Variants in DAPK1 observed in about 807,000 individuals in gnomAD.
DAPK1 encodes the protein death-associated protein kinase 1.
In DAPK1, 56 loss-of-function variants were observed where a neutral mutation model predicts 144.9. The observed-to-expected ratio is 0.39, with a 90% CI of 0.31 to 0.48. DAPK1 has a LOEUF of 0.48. Ranked by LOEUF, DAPK1 falls within the 20% of genes least tolerant of loss-of-function variation. The pLI is 0.95. For missense variants in DAPK1, 1,454 were observed against 1,875.4 expected (o/e 0.78, Z 4.15); for synonymous variants, 690 against 749.0 (o/e 0.92, Z 1.29).
chr9:87,671,732 T>C (rs1373677746), intron 19 of DAPK1, among the ~76,000 whole-genome samples: 2 of 152,222 alleles, frequency 1.3e-5, no homozygotes, highest in East Asian at 3.8e-4. Flanking sequence ...CCAGGCTGTC[T>C]CTAACTCCTG....
At chr9:87,673,675 T>G (rs1245639467) in intron 19 of DAPK1, among the ~76,000 whole-genome samples, 1 of 152,156 alleles carries the variant, frequency 6.6e-6, no homozygotes, top group Non-Finnish European at 1.5e-5. Context: ...GGCAGTAGTG[T>G]GCAGGAGCCT....
chr9:87,599,997 C>T (rs1402120748), intron 2 of DAPK1, among the ~76,000 whole-genome samples: 1 of 152,176 alleles, frequency 6.6e-6, no homozygotes, highest in Non-Finnish European at 1.5e-5. Flanking sequence ...ATAGTCTCTC[C>T]CTGAGTCATA....
At chr9:87,700,634 G>T (rs1018723431) in intron 24 of DAPK1, among the ~76,000 whole-genome samples, 7 of 152,056 alleles carry the variant, frequency 4.6e-5, no homozygotes, top group African/African-American at 7.2e-5. Context: ...AAGTAGCTAG[G>T]ACTATAGGCA....
At chr9:87,654,547 C>T (rs1830568583) in intron 17 of DAPK1, among the ~76,000 whole-genome samples, 1 of 152,184 alleles carries the variant, frequency 6.6e-6, no homozygotes, top group African/African-American at 2.4e-5. Flanking sequence ...AGGTTTTAGC[C>T]ATTAGCTGCT....
intron 3 of DAPK1, among the ~76,000 whole-genome samples, chr9:87,614,952 T>G (rs1829046294): frequency 6.6e-6 from 1 of 151,982 alleles, no homozygotes; most frequent in South Asian, 2.1e-4. Flanking sequence ...GTGACTGGAG[T>G]GAGGGTTGGA....
chr9:87,511,710 G>GTGT (rs1824852954), intron 2 of DAPK1, among the ~76,000 whole-genome samples: 2 of 128,302 alleles, frequency 1.6e-5, no homozygotes, highest in Non-Finnish European at 1.6e-5. Context: ...GTGTGTCTGT[G>GTGT]GTTTGTTTTT....
rs748050366 is a variant in DAPK1, at chr9:87,698,636, A to T, written c.2612-20A>T. ...GGTAGGAGGACCCACCCCCTGAAGCAGTTCCCTCTCTGCCCCCAGCCTTCG... is the reference window on the plus strand; with the variant it reads ...GGTAGGAGGACCCACCCCCTGAAGCTGTTCCCTCTCTGCCCCCAGCCTTCG... On this transcript the variant is annotated intron_variant, in intron 22 of 25. Transcript: ENST00000408954. 7.0e-6 allele frequency: 11 copies of T among 1,576,092 alleles called. No individual in the cohort carries two copies. In the African/African-American group the frequency reaches 1.2e-4, roughly 17 times the overall value.
At position 87,590,190 on chromosome 9, in the gene DAPK1, A is replaced by G. The variant is rs537499875; in HGVS notation, c.63-14764A>G. Among the ~76,000 whole-genome samples the G allele has an allele frequency of 6.4e-4, 97 of 152,266 alleles. 1 individual carries two copies. Among genetic ancestry groups the G allele is most frequent in the African/African-American group, 2.2e-3 (92 of 41,556 alleles). ...GCATTAGTATTTGCCTATGATTGCC[A>G]GCAATGATAGGAGATTGCTTCTGCC... On this transcript the variant is annotated intron_variant, in intron 2 of 25. Transcript: ENST00000408954.
rs771023885 is a variant in DAPK1 at position 87,571,476 on chromosome 9, A to ACACCCCCAC, written c.63-33478_63-33477insCACCCCCAC. ...ACACACACACACACACACACACACCAACACACACACACACACACCCCAACA... is the reference window on the plus strand; with the variant it reads ...ACACACACACACACACACACACACCACACCCCCACACACACACACACACACACCCCAACA... On this transcript the variant is annotated intron_variant, in intron 2 of 25. Coordinates refer to ENST00000408954, the MANE Select transcript of DAPK1 (RefSeq NM_004938.4). 7.8e-4 allele frequency among the ~76,000 whole-genome samples: 38 copies of ACACCCCCAC among 48,546 alleles called. 4 individuals carry two copies. Among genetic ancestry groups the ACACCCCCAC allele is most frequent in the Admixed American group, 9.6e-4 (4 of 4,166 alleles). The allele number at this position is 48,546 out of a possible 152,430, so 31.8% of individuals were successfully genotyped here.
chr9:87,662,564 T>TTTTTTG (rs1554700244), intron 18 of DAPK1, among the ~76,000 whole-genome samples: 6 of 116,230 alleles, frequency 5.2e-5, no homozygotes, highest in Non-Finnish European at 9.0e-5. Context: ...TTCCTAGTTT[T>TTTTTTG]TTTTTTTTTT....
intron 2 of DAPK1, among the ~76,000 whole-genome samples, chr9:87,534,846 T>C (rs1364372352): frequency 5.3e-5 from 8 of 152,116 alleles, no homozygotes; most frequent in Admixed American, 4.6e-4. Flanking sequence ...GGTTTTGCCA[T>C]GTTGGCCAGG....
At chr9:87,525,006 A>G (rs1825437651) in intron 2 of DAPK1, among the ~76,000 whole-genome samples, 1 of 152,210 alleles carries the variant, frequency 6.6e-6, no homozygotes, top group African/African-American at 2.4e-5. Context: ...TGCTCATGTA[A>G]CTGAACACCA....
At chr9:87,667,221 T>C (rs1017106448) in intron 18 of DAPK1, among the ~76,000 whole-genome samples, 13 of 152,196 alleles carry the variant, frequency 8.5e-5, no homozygotes, top group African/African-American at 3.1e-4. Context: ...AAAGCAAGCT[T>C]GAAGCCCTGG....
intron 2 of DAPK1, among the ~76,000 whole-genome samples, chr9:87,520,457 T>A (rs1279692141): frequency 6.6e-6 from 1 of 152,142 alleles, no homozygotes; most frequent in Non-Finnish European, 1.5e-5. Flanking sequence ...GGAACTCTTG[T>A]TCTCTGGGTT....
intron 2 of DAPK1, among the ~76,000 whole-genome samples, chr9:87,562,946 C>G (rs1366447808): frequency 6.6e-6 from 1 of 152,176 alleles, no homozygotes; most frequent in African/African-American, 2.4e-5. Context: ...CAAACAAGTG[C>G]TGACCTCTTA....
chr9:87,705,433 G>A (rs1825604567), intron 25 of DAPK1, among the ~76,000 whole-genome samples: 1 of 151,826 alleles, frequency 6.6e-6, no homozygotes, highest in Admixed American at 6.6e-5. Context: ...TGTTGGCCAG[G>A]CTGGTCTCAA....
chr9:87,525,561 AAAC>A (rs1825476426), intron 2 of DAPK1: 5 of 906,676 alleles, frequency 5.5e-6, no homozygotes, highest in African/African-American at 1.7e-5. Context: ...ACATTTGAAA[AAAC>A]AACAACAAAA....
chr9:87,647,917 G>A (rs183444403), intron 14 of DAPK1, among the ~76,000 whole-genome samples: 2 of 152,338 alleles, frequency 1.3e-5, no homozygotes, highest in East Asian at 3.9e-4. Context: ...TCATATGTGT[G>A]TGTTTCATTC....
chr9:87,517,446 CCT>C (rs1281547628), intron 2 of DAPK1, among the ~76,000 whole-genome samples: 1 of 152,232 alleles, frequency 6.6e-6, no homozygotes, highest in East Asian at 1.9e-4. Context: ...CTCTCCCCCA[CCT>C]CTCTCTCTGT....
Sources: allele counts gnomAD v4.1 joint callset (sites outside exome capture counted in the v4.1 genomes callset), GRCh38; gene constraint gnomAD v4.1.1; transcripts MANE v1.5; gene names NCBI Gene and HGNC (gene_info 2026-07-23, HGNC 2026-07-21).